Variants in TANC1 observed in about 807,000 individuals in gnomAD.
The protein encoded by TANC1 is tetratricopeptide repeat, ankyrin repeat and coiled-coil containing 1.
TANC1 carries 77 observed loss-of-function variants against 149.7 expected under a neutral mutation model. The ratio of observed to expected loss-of-function variants is 0.51; its 90% confidence interval spans 0.43 to 0.62. The LOEUF (loss-of-function observed/expected upper bound fraction) is 0.62, where lower values mean the gene tolerates loss of function less well. Among genes scored for constraint, TANC1 ranks in the 20% least tolerant of loss-of-function variants. The pLI, the probability that TANC1 is intolerant of heterozygous loss-of-function variation, is 0.00. For missense variants in TANC1, 1,985 were observed against 2,321.8 expected (o/e 0.85, Z 2.98); for synonymous variants, 854 against 925.0 (o/e 0.92, Z 1.39).
At chr2:159,015,626 A>T (rs2038196706) in intron 2 of TANC1, among the ~76,000 whole-genome samples, 2 of 152,174 alleles carry the variant, frequency 1.3e-5, no homozygotes, top group African/African-American at 4.8e-5. Flanking sequence ...TGCTTCCCTT[A>T]TAAAACTGGA....
In TANC1 at chr2:159,065,359, G is replaced by A. The variant is rs539956477; in HGVS notation, c.-15-537G>A. On this transcript the variant is annotated intron_variant, in intron 2 of 26. Transcript: ENST00000263635. ...CTGTTTAATTGGGTTCTCTGATCAG[G>A]GTTAAAATGTGTTCCCACTGTATTT... Among the ~76,000 whole-genome samples, 6 of 152,204 alleles carry A rather than the reference G, an allele frequency of 3.9e-5. No homozygotes were observed. The South Asian group carries it at 1.2e-3, about 32-fold the overall frequency.
intron 2 of TANC1, among the ~76,000 whole-genome samples, chr2:159,030,143 G>C (rs572643517): frequency 7.0e-4 from 106 of 152,070 alleles, no homozygotes; most frequent in African/African-American, 2.4e-3. Context: ...GTGACTGTGT[G>C]TTATTCCTTC....
At chr2:159,060,113 G>A (rs913011509) in intron 2 of TANC1, 8 of 976,082 alleles carry the variant, frequency 8.2e-6, no homozygotes, top group Non-Finnish European at 9.7e-6. Context: ...TGTTAGTTAC[G>A]TGAGTCAGAC....
rs182246456 is a variant in TANC1, at chr2:159,046,500, A to G, written c.-15-19396A>G. ...TTGTCACTTGTTAGTCCTTGACATG[A>G]CTTTTCCTGTAGTATTTGATTCTGC... On this transcript the variant is annotated intron_variant, in intron 2 of 26. Transcript: ENST00000263635. Among the ~76,000 whole-genome samples, 676 of 150,088 alleles carry G rather than the reference A, an allele frequency of 4.5e-3. 5 individuals carry two copies. Among genetic ancestry groups the G allele is most frequent in the African/African-American group, 0.016 (630 of 40,546 alleles).
intron 25 of TANC1, 79 bp downstream of exon 25, chr2:159,228,044 A>T (rs561545940): frequency 2.3e-4 from 347 of 1,494,166 alleles, no homozygotes; most frequent in Non-Finnish European, 2.9e-4. Flanking sequence ...GCCCTTCTCC[A>T]GACCAGATCC....
Position 159,150,513 on chromosome 2 carries a change from CA to C in TANC1, c.640del (p.Ser214AlafsTer14), listed in dbSNP as rs1559351637. 1.2e-6 allele frequency: 2 copies of C among 1,614,012 alleles called. No homozygotes were observed. Among genetic ancestry groups the C allele is most frequent in the Admixed American group, 1.7e-5 (1 of 60,000 alleles). On this transcript the variant is annotated frameshift_variant, in exon 7 of 27. Coordinates refer to ENST00000263635, the MANE Select transcript of TANC1 (RefSeq NM_033394.3). LOFTEE classifies it high-confidence loss of function. ...ACAAAAGTCCCTGTGAGACCATTAGCAGCCCTAGTTCCACCCTGGAAAGCAA... is the reference window on the plus strand; with the variant it reads ...ACAAAAGTCCCTGTGAGACCATTAGCGCCCTAGTTCCACCCTGGAAAGCAA... ...ANKSPCETIS[S>X]PSSTLESKDS...
At chr2:159,174,069 A>G (rs2055564785) in intron 11 of TANC1, among the ~76,000 whole-genome samples, 1 of 152,164 alleles carries the variant, frequency 6.6e-6, no homozygotes, top group Non-Finnish European at 1.5e-5. Context: ...AGATACTCCC[A>G]AAAAACAGGT....
At chr2:158,988,357 C>A (rs1270402206) in intron 1 of TANC1, among the ~76,000 whole-genome samples, 1 of 149,214 alleles carries the variant, frequency 6.7e-6, no homozygotes, top group African/African-American at 2.5e-5. Context: ...AAAGTGTTTT[C>A]GTTTTGTTTT....
intron 2 of TANC1, among the ~76,000 whole-genome samples, chr2:159,062,742 T>C (rs897345041): frequency 9.5e-5 from 14 of 147,020 alleles, no homozygotes; most frequent in Non-Finnish European, 2.1e-4. Flanking sequence ...CCGAGGCGGG[T>C]GGATCATGAG....
chr2:159,136,290 A>G lies in TANC1; in HGVS notation c.356A>G (p.Asp119Gly). ...FREVAKPTEPDEHEAKADNEP... is the reference protein window; with the variant it reads ...FREVAKPTEPGEHEAKADNEP... ...GAAGTAGCCAAGCCAACAGAGCCTG[A>G]TGAGCATGGTAAGAATTTCAGTGAT... is the stretch of plus-strand genomic sequence containing the variant. The change falls in exon 5 of 27, where the codon GAT becomes GGT. Residue 119 changes from aspartate to glycine, a missense_variant. Physicochemically the swap from Asp to Gly is moderately conservative, Grantham distance 94. Coordinates refer to ENST00000263635, the MANE Select transcript of TANC1 (RefSeq NM_033394.3). 1.3e-6 allele frequency: 2 copies of G among 1,583,020 alleles called. No homozygotes were observed. The highest frequency in any genetic ancestry group is 1.1e-5 in the South Asian group (1 of 90,426).
chr2:159,015,907 T>G (rs2038220879), intron 2 of TANC1, among the ~76,000 whole-genome samples: 1 of 152,190 alleles, frequency 6.6e-6, no homozygotes, highest in Non-Finnish European at 1.5e-5. Context: ...ATTCAACAAG[T>G]CTCTAGGGAG....
chr2:159,017,568 T>A (rs2038401308), intron 2 of TANC1, among the ~76,000 whole-genome samples: 1 of 152,132 alleles, frequency 6.6e-6, no homozygotes, highest in South Asian at 2.1e-4. Context: ...GATATACCTG[T>A]TTTGTGTGTG....
In TANC1 at chr2:159,219,846, C is replaced by G. The variant is rs774319014; in HGVS notation, c.3657C>G (p.Ala1219=). The G allele has an allele frequency of 6.2e-7, 1 of 1,613,354 alleles. No individual in the cohort carries two copies. ...KNGRTPLDLA[A]FYGDAETVLY... ...GCCGCACACCCTTGGACCTGGCTGC[C>G]TTCTATGGCGATGCCGAGACTGTGA... The change falls in exon 22 of 27, where the codon GCC becomes GCG. Residue 1219 remains alanine, a synonymous_variant. Coordinates refer to ENST00000263635, the MANE Select transcript of TANC1 (RefSeq NM_033394.3).
At chr2:159,025,079 T>G (rs1442249964) in intron 2 of TANC1, among the ~76,000 whole-genome samples, 1 of 152,206 alleles carries the variant, frequency 6.6e-6, no homozygotes, top group Non-Finnish European at 1.5e-5. Context: ...AAGTGATAAC[T>G]ATGGTCAAGA....
chr2:159,007,138 GTTTTTTTTTTTT>G (rs70994252), intron 2 of TANC1, among the ~76,000 whole-genome samples: 76 of 69,516 alleles, frequency 1.1e-3, no homozygotes, highest in African/African-American at 4.1e-3. Context: ...CTTTAATACT[GTTTTTTTTTTTT>G]TTTTTTTTTT....
At chr2:159,063,994 G>T (rs796087383) in intron 2 of TANC1, among the ~76,000 whole-genome samples, 17 of 152,148 alleles carry the variant, frequency 1.1e-4, no homozygotes, top group African/African-American at 3.9e-4. Flanking sequence ...CCAAGGCTTG[G>T]TGCAAGGGAC....
intron 4 of TANC1, among the ~76,000 whole-genome samples, chr2:159,127,961 C>G (rs1464465899): frequency 1.3e-5 from 2 of 152,248 alleles, no homozygotes; most frequent in Non-Finnish European, 2.9e-5. Context: ...AGGCGTTGCA[C>G]CAATGAATAA....
chr2:159,156,865 A>C (rs1280059396), intron 7 of TANC1, among the ~76,000 whole-genome samples: 9 of 152,160 alleles, frequency 5.9e-5, no homozygotes. Flanking sequence ...GGTGGGTCCC[A>C]TCCTCCCCGC....
chr2:159,066,521 G>T (rs1294678821), intron 3 of TANC1, among the ~76,000 whole-genome samples: 1 of 152,162 alleles, frequency 6.6e-6, no homozygotes, highest in Non-Finnish European at 1.5e-5. Context: ...AACTTTAAAG[G>T]TTCATAATTT....
Sources: gnomAD v4.1 joint callset for allele counts (sites outside exome capture counted in the v4.1 genomes callset) on GRCh38, gnomAD v4.1.1 for gene constraint, MANE v1.5 for transcripts, NCBI Gene and HGNC (gene_info 2026-07-23, HGNC 2026-07-21) for gene names.